The following RALYL variants were observed in gnomAD, a reference collection of about 807,000 sequenced individuals.
RALYL encodes RALY RNA binding protein like.
A neutral mutation model predicts 35.1 loss-of-function variants in RALYL; 29 were observed. The ratio of observed to expected loss-of-function variants is 0.83; its 90% CI spans 0.61 to 1.13. The LOEUF (loss-of-function observed/expected upper bound fraction) is 1.13, where lower values mean the gene tolerates loss of function less well. Ranked by LOEUF, RALYL falls within the 50% of genes most tolerant of loss-of-function variation. The probability of loss-of-function intolerance (pLI) is 0.00; values close to 1 mark genes in which losing one functional copy is unlikely to be tolerated. For synonymous variants in RALYL, 120 were observed against 127.6 expected, an observed-to-expected ratio of 0.94 and a Z score of 0.40; for missense variants, 359 against 360.4, an observed-to-expected ratio of 1.00 and a Z score of 0.03.
intron 2 of RALYL, among the ~76,000 whole-genome samples, chr8:84,556,347 T>A (rs1460675896): frequency 6.6e-6 from 1 of 152,090 alleles, no homozygotes; most frequent in Non-Finnish European, 1.5e-5. Flanking sequence ...AGCTGTGAGA[T>A]AAGCATTATT....
intron 2 of RALYL, among the ~76,000 whole-genome samples, chr8:84,774,289 T>C (rs1415556879): frequency 6.6e-6 from 1 of 152,188 alleles, no homozygotes; most frequent in Non-Finnish European, 1.5e-5. Flanking sequence ...ATAGTACTCA[T>C]CGTTTTCTAA....
intron 1 of RALYL, among the ~76,000 whole-genome samples, chr8:84,242,205 G>A (rs762699104): frequency 8.5e-5 from 13 of 152,142 alleles, no homozygotes; most frequent in Non-Finnish European, 1.3e-4. Flanking sequence ...TGGCTGCATA[G>A]TATTCCATAG....
chr8:84,293,993 G>A (rs1305701308), intron 1 of RALYL, among the ~76,000 whole-genome samples: 1 of 151,986 alleles, frequency 6.6e-6, no homozygotes, highest in African/African-American at 2.4e-5. Context: ...ATCCACCCTG[G>A]AGAAAAATTA....
chr8:84,667,989 A>G (rs1456352303), intron 2 of RALYL, among the ~76,000 whole-genome samples: 1 of 152,140 alleles, frequency 6.6e-6, no homozygotes, highest in East Asian at 1.9e-4. Context: ...CATAGAGACA[A>G]CAGCCTTTTA....
At chr8:84,816,908 A>G (rs1417767453) in intron 4 of RALYL, among the ~76,000 whole-genome samples, 1 of 152,274 alleles carries the variant, frequency 6.6e-6, no homozygotes, top group East Asian at 1.9e-4. Flanking sequence ...TGCACCCACT[A>G]AAGTTAACAT....
At chr8:84,899,099 T>C (rs1158422441) in intron 8 of RALYL, among the ~76,000 whole-genome samples, 1 of 152,186 alleles carries the variant, frequency 6.6e-6, no homozygotes, top group Non-Finnish European at 1.5e-5. Flanking sequence ...TCCATGCATT[T>C]ACATATGCTG....
chr8:84,653,692 GACATACCTCCATAAAACAGACCTTCTA>G (rs1465617793), intron 2 of RALYL, among the ~76,000 whole-genome samples: 133 of 150,898 alleles, frequency 8.8e-4, no homozygotes, highest in Middle Eastern at 3.4e-3. Flanking sequence ...CATACCTCCT[GACATACCTCCATAAAACAGACCTTCTA>G]ACATACCTCC....
At chr8:84,327,582 C>G (rs147235989) in intron 1 of RALYL, among the ~76,000 whole-genome samples, 2,445 of 152,102 alleles carry the variant, frequency 0.016, 25 homozygotes, top group Middle Eastern at 0.044. Flanking sequence ...CCTTATGTAT[C>G]TATGGCTGCG....
At chr8:84,568,102 G>C (rs1334945495) in intron 2 of RALYL, among the ~76,000 whole-genome samples, 3 of 151,296 alleles carry the variant, frequency 2.0e-5, no homozygotes, top group Non-Finnish European at 4.4e-5. Context: ...ACAATGTGCA[G>C]GTTTGTTACA....
At chr8:84,719,576 T>A (rs1843518312) in intron 2 of RALYL, among the ~76,000 whole-genome samples, 1 of 152,178 alleles carries the variant, frequency 6.6e-6, no homozygotes. Flanking sequence ...TATTATAATT[T>A]TCTCACAAGC....
At chr8:84,799,732 G>A (rs183523252) in intron 3 of RALYL, among the ~76,000 whole-genome samples, 77 of 152,328 alleles carry the variant, frequency 5.1e-4, no homozygotes, top group Middle Eastern at 3.4e-3. Flanking sequence ...CGAGGCAGGC[G>A]GATCACGAGG....
At chr8:84,300,456 A>C (rs2132352200) in intron 1 of RALYL, among the ~76,000 whole-genome samples, 1 of 152,122 alleles carries the variant, frequency 6.6e-6, no homozygotes, top group Admixed American at 6.6e-5. Context: ...TGTTAGGTCC[A>C]TTTGGTCAAG....
In RALYL at chr8:84,213,699, C is replaced by A. The variant is rs576161893; in HGVS notation, c.-24+29275C>A. 1.1e-4 allele frequency among the ~76,000 whole-genome samples: 16 copies of A among 152,186 alleles called. No individual in the cohort carries two copies. The East Asian group carries it at 2.7e-3, about 26-fold the overall frequency. ...TGTTACATAAATCCCACTTTGAAAA[C>A]AAATCCCTGAAATGAATTTCATGTA... On this transcript the variant is annotated intron_variant, in intron 1 of 8. Transcript: ENST00000521268.
chr8:84,384,693 C>T (rs1296984285), intron 1 of RALYL, among the ~76,000 whole-genome samples: 1 of 151,672 alleles, frequency 6.6e-6, no homozygotes, highest in Non-Finnish European at 1.5e-5. Flanking sequence ...CTTTTTCTTA[C>T]TCTGTGAATT....
chr8:84,799,233 AATTC>A (rs147037155), intron 3 of RALYL, among the ~76,000 whole-genome samples: 2,252 of 152,242 alleles, frequency 0.015, 50 homozygotes, highest in African/African-American at 0.052. Flanking sequence ...GGAAATTTTT[AATTC>A]ACCACGGTTA....
chr8:84,650,793 T>C (rs900345337), intron 2 of RALYL, among the ~76,000 whole-genome samples: 2 of 151,864 alleles, frequency 1.3e-5, no homozygotes, highest in African/African-American at 2.4e-5. Flanking sequence ...TGCAGCACTA[T>C]TCACAATAGC....
At chr8:84,563,855 T>G (rs544554951) in intron 2 of RALYL, among the ~76,000 whole-genome samples, 3 of 151,942 alleles carry the variant, frequency 2.0e-5, no homozygotes, top group Non-Finnish European at 4.4e-5. Flanking sequence ...GTTTTTAATT[T>G]TTACATTTAA....
intron 2 of RALYL, among the ~76,000 whole-genome samples, chr8:84,555,531 G>A (rs771076680): frequency 6.6e-5 from 10 of 152,104 alleles, no homozygotes; most frequent in Non-Finnish European, 1.5e-4. Context: ...AGAAATTGCC[G>A]TCTTCTCTTT....
At chr8:84,665,259 A>G (rs1004063980) in intron 2 of RALYL, among the ~76,000 whole-genome samples, 2 of 152,004 alleles carry the variant, frequency 1.3e-5, no homozygotes, top group Non-Finnish European at 2.9e-5. Flanking sequence ...CTTCATCAAC[A>G]ATATTGGCCT....
Sources: gnomAD v4.1 joint callset for allele counts (sites outside exome capture counted in the v4.1 genomes callset) on GRCh38, gnomAD v4.1.1 for gene constraint, MANE v1.5 for transcripts, NCBI Gene and HGNC (gene_info 2026-07-23, HGNC 2026-07-21) for gene names.